Variants in EYS observed in about 807,000 individuals in gnomAD.
EYS encodes protein eyes shut homolog.
A neutral mutation model predicts 282.1 loss-of-function variants in EYS; 250 were observed. The observed-to-expected ratio is 0.89, with a 90% confidence interval of 0.80 to 0.98. The LOEUF (loss-of-function observed/expected upper bound fraction) is 0.98, where lower values mean the gene tolerates loss of function less well. Ranked by LOEUF, EYS falls within the 50% of genes least tolerant of loss-of-function variation. The probability of loss-of-function intolerance (pLI) is 0.00; values close to 1 mark genes in which losing one functional copy is unlikely to be tolerated. For missense variants in EYS, 4,016 were observed against 3,709.0 expected, an observed-to-expected ratio of 1.08 and a Z score of -2.15; for synonymous variants, 1,355 against 1,282.9, an observed-to-expected ratio of 1.06 and a Z score of -1.20.
intron 5 of EYS, among the ~76,000 whole-genome samples, chr6:65,463,732 A>G (rs1582329410): frequency 6.6e-6 from 1 of 152,292 alleles, no homozygotes; most frequent in African/African-American, 2.4e-5. Context: ...AAATATAATT[A>G]TGTAAATGAC....
chr6:64,007,410 T>C (rs977322253), intron 33 of EYS, among the ~76,000 whole-genome samples: 3 of 152,000 alleles, frequency 2.0e-5, no homozygotes, highest in African/African-American at 7.2e-5. Context: ...CCTAGCAGTC[T>C]GTCAATCTTA....
At chr6:64,662,753 A>C (rs982740977) in intron 22 of EYS, among the ~76,000 whole-genome samples, 1 of 151,966 alleles carries the variant, frequency 6.6e-6, no homozygotes, top group Admixed American at 6.6e-5. Flanking sequence ...GATAGTTCCT[A>C]CTCTTATTTT....
chr6:64,759,445 T>C lies in EYS; in HGVS notation c.3443+53933A>G, dbSNP rs549780587. The stretch of plus-strand genomic sequence containing the variant: ...AAAGTAATTCTGTAGTAAATTTGCC[T>C]ACTGTTCTAATGAAAATAATGTGTC... On this transcript the variant is annotated intron_variant, in intron 22 of 42. Coordinates refer to ENST00000503581, the MANE Select transcript of EYS (RefSeq NM_001142800.2). Among the ~76,000 whole-genome samples the C allele has an allele frequency of 9.2e-5, 14 of 152,302 alleles. No individual in the cohort carries two copies. The South Asian group carries it at 2.7e-3, about 29-fold the overall frequency.
At chr6:65,107,295 ATTT>A (rs34176335) in intron 12 of EYS, among the ~76,000 whole-genome samples, 186 of 134,818 alleles carry the variant, frequency 1.4e-3, no homozygotes, top group African/African-American at 4.4e-3. Flanking sequence ...TCTGGGTTGC[ATTT>A]TTTTTTTTTT....
At chr6:64,761,579 C>T (rs1186114854) in intron 22 of EYS, among the ~76,000 whole-genome samples, 2 of 152,182 alleles carry the variant, frequency 1.3e-5, no homozygotes, top group Non-Finnish European at 2.9e-5. Context: ...GCCTCAGCCT[C>T]CCGAGCAGCT....
At chr6:65,147,199 C>T (rs1281130033) in intron 12 of EYS, among the ~76,000 whole-genome samples, 1 of 151,870 alleles carries the variant, frequency 6.6e-6, no homozygotes, top group Non-Finnish European at 1.5e-5. Flanking sequence ...AAATAATTTA[C>T]TCTGTAGCCA....
intron 22 of EYS, among the ~76,000 whole-genome samples, chr6:64,790,038 A>C (rs1015036800): frequency 1.3e-5 from 2 of 151,984 alleles, no homozygotes; most frequent in Non-Finnish European, 2.9e-5. Flanking sequence ...ACAGCCAATA[A>C]ATCATTTATC....
At chr6:65,475,034 T>C (rs1765346132) in intron 5 of EYS, among the ~76,000 whole-genome samples, 1 of 152,086 alleles carries the variant, frequency 6.6e-6, no homozygotes, top group Non-Finnish European at 1.5e-5. Context: ...GTTTCAGCTA[T>C]TGATAAAAGT....
intron 41 of EYS, chr6:63,744,392 A>G (rs912718099): frequency 6.6e-6 from 1 of 152,068 alleles, no homozygotes; most frequent in African/African-American, 2.4e-5. Context: ...CTTTTTCTTT[A>G]TCAGTGTCCC....
chr6:65,016,133 G>A (rs941936164), intron 13 of EYS, among the ~76,000 whole-genome samples: 3 of 151,160 alleles, frequency 2.0e-5, no homozygotes, highest in South Asian at 2.1e-4. Context: ...GGAGGCCGAG[G>A]TGGACAAATC....
chr6:64,883,125 A>G lies in EYS; in HGVS notation c.2992+3572T>C, dbSNP rs528523046. Reference sequence around the variant, plus strand: ...TGATCAATTGTCCATATTTTCCCAAACTATGCTTCTTTATACATGTACTCA... The same window carrying G: ...TGATCAATTGTCCATATTTTCCCAAGCTATGCTTCTTTATACATGTACTCA... On this transcript the variant is annotated intron_variant, in intron 19 of 42. Coordinates refer to ENST00000503581, the MANE Select transcript of EYS (RefSeq NM_001142800.2). Among the ~76,000 whole-genome samples the G allele has an allele frequency of 9.8e-4, 142 of 144,502 alleles. No individual in the cohort carries two copies. The Middle Eastern group carries it at 0.01, about 10-fold the overall frequency. The allele number at this position is 144,502 out of a possible 152,430, so 94.8% of individuals were successfully genotyped here. A position where few individuals can be genotyped will look rare whatever the true frequency, so the allele number is the denominator to read the frequency against.
intron 5 of EYS, among the ~76,000 whole-genome samples, chr6:65,479,278 A>T (rs1374516819): frequency 6.6e-6 from 1 of 152,252 alleles, no homozygotes; most frequent in East Asian, 1.9e-4. Flanking sequence ...TATTTGGCAA[A>T]TATCAAAAGA....
At chr6:65,469,735 G>A (rs1242131845) in intron 5 of EYS, among the ~76,000 whole-genome samples, 1 of 151,990 alleles carries the variant, frequency 6.6e-6, no homozygotes, top group Non-Finnish European at 1.5e-5. Context: ...CAAAAAGCCA[G>A]AGGAATTCAA....
intron 33 of EYS, among the ~76,000 whole-genome samples, chr6:64,034,808 G>A (rs1292043586): frequency 6.6e-6 from 1 of 151,926 alleles, no homozygotes; most frequent in East Asian, 1.9e-4. Context: ...AGTGAATAAT[G>A]ACAAGCAACA....
At chr6:63,753,913 T>C (rs1769410187) in intron 41 of EYS, among the ~76,000 whole-genome samples, 1 of 152,186 alleles carries the variant, frequency 6.6e-6, no homozygotes, top group Non-Finnish European at 1.5e-5. Context: ...AGGAAAGCTA[T>C]CTCCTTCTCT....
intron 13 of EYS, among the ~76,000 whole-genome samples, chr6:65,033,756 G>C (rs980646549): frequency 6.6e-6 from 1 of 152,156 alleles, no homozygotes; most frequent in African/African-American, 2.4e-5. Context: ...CTAGGGCAGT[G>C]CTGAGGGAAA....
chr6:65,361,488 C>CTT (rs147691539), intron 8 of EYS, among the ~76,000 whole-genome samples: 38,171 of 146,678 alleles, frequency 0.26, 5,443 homozygotes, highest in South Asian at 0.37. Context: ...TTCGTTCGTT[C>CTT]CTTTTTTTTT....
chr6:63,764,479 G>T (rs1465975083), intron 40 of EYS, among the ~76,000 whole-genome samples: 2 of 151,706 alleles, frequency 1.3e-5, no homozygotes, highest in African/African-American at 2.4e-5. Context: ...TCTTATTAAA[G>T]AATTTTTAAA....
In EYS at chr6:64,388,775, G is replaced by C. The variant is rs1464245433; in HGVS notation, c.5993C>G (p.Ser1998Cys). ...GGGTTTTCCGAGTACATGATTGATA[G>C]ATTCGCATATTTGTGTATTCCTCCC... ...ILGRNTQICE[S>C]INHVLGKPLP... Residue 1998 changes from serine to cysteine, a missense_variant, in exon 29 of 43, where the codon TCT becomes TGT. Transcript: ENST00000503581. 5.6e-5 allele frequency: 87 copies of C among 1,544,900 alleles called. No individual in the cohort carries two copies. The highest frequency in any genetic ancestry group is 7.2e-5 in the Non-Finnish European group (82 of 1,143,576).
Sources: gnomAD v4.1 joint callset for allele counts (sites outside exome capture counted in the v4.1 genomes callset) on GRCh38, gnomAD v4.1.1 for gene constraint, MANE v1.5 for transcripts, NCBI Gene and HGNC (gene_info 2026-07-23, HGNC 2026-07-21) for gene names.